The following NNMT variants were observed in gnomAD, a reference collection of about 807,000 sequenced individuals.
NNMT encodes nicotinamide N-methyltransferase.
In NNMT, 10 loss-of-function variants were observed where a neutral mutation model predicts 11.7. That is an observed-to-expected ratio of 0.85 (90% CI 0.53 to 1.45). The LOEUF (loss-of-function observed/expected upper bound fraction) is 1.45. Among genes scored for constraint, NNMT ranks in the 40% most tolerant of loss-of-function variants. The probability of loss-of-function intolerance (pLI) is 0.00; values close to 1 mark genes in which losing one functional copy is unlikely to be tolerated. For missense variants in NNMT, 381 were observed against 319.4 expected, an observed-to-expected ratio of 1.19 and a Z score of -1.47; for synonymous variants, 143 against 133.8, an observed-to-expected ratio of 1.07 and a Z score of -0.48.
Position 114,273,161 on chromosome 11 carries a change from G to A in NNMT, c.-130+10227G>A, listed in dbSNP as rs141361303. Among the ~76,000 whole-genome samples, 18 of 152,268 alleles carry A rather than the reference G, an allele frequency of 1.2e-4. No homozygotes were observed. The East Asian group carries it at 1.5e-3, about 13-fold the overall frequency. On this transcript the variant is annotated intron_variant, in intron 2 of 4. Transcript: ENST00000535401. ...ATTAAAGAGATGACTATTTCCTGTCGTTCTACAAAAAGGACCAAGATTTCC... is the reference window on the plus strand; with the variant it reads ...ATTAAAGAGATGACTATTTCCTGTCATTCTACAAAAAGGACCAAGATTTCC...
chr11:114,267,063 G>A (rs544573699), intron 2 of NNMT, among the ~76,000 whole-genome samples: 6 of 152,234 alleles, frequency 3.9e-5, no homozygotes, highest in South Asian at 2.1e-4. Context: ...TCAGGAGTTC[G>A]AGACCAGCCT....
intron 2 of NNMT, among the ~76,000 whole-genome samples, chr11:114,284,612 T>A (rs367904935): frequency 6.6e-6 from 1 of 151,690 alleles, no homozygotes; most frequent in African/African-American, 2.4e-5. Flanking sequence ...TACAGGCATG[T>A]GCCACCACAC....
Position 114,312,599 on chromosome 11 carries a change from G to GTCCC in NNMT, c.*122_*123insTCCC. The stretch of plus-strand genomic sequence containing the variant: ...TGGTTGGGGCCCAATGGTTCATCTA[G>GTCCC]GACGGGACTAGAGAGGTCAGTCTAC... On this transcript the variant is annotated 3_prime_UTR_variant, in exon 3 of 3. Coordinates refer to ENST00000299964, the MANE Select transcript of NNMT (RefSeq NM_006169.3). 1.1e-6 allele frequency: 1 copy of GTCCC among 923,538 alleles called. No individual in the cohort carries two copies. The highest frequency in any genetic ancestry group is 1.6e-6 in the Non-Finnish European group (1 of 606,780). 57.2% of individuals were successfully genotyped at this position (923,538 alleles called of 1,614,324 possible).
intron 2 of NNMT, among the ~76,000 whole-genome samples, chr11:114,280,855 G>T (rs7930056): frequency 0.041 from 6,210 of 152,176 alleles, 341 homozygotes; most frequent in African/African-American, 0.12. Flanking sequence ...TCCTTTGCTT[G>T]TCCCCGGCCT....
In NNMT at chr11:114,312,160, G is replaced by C. The variant is rs199618034; in HGVS notation, c.478G>C (p.Val160Leu). 2.4e-4 allele frequency: 381 copies of C among 1,614,190 alleles called. 1 individual carries two copies. Among genetic ancestry groups the C allele is most frequent in the Middle Eastern group, 4.9e-4 (3 of 6,062 alleles). ...CGTCCCCTTACCCCCGGCTGACTGCGTGCTCAGCACACTGTGTCTGGATGC... is the reference window on the plus strand; with the variant it reads ...CGTCCCCTTACCCCCGGCTGACTGCCTGCTCAGCACACTGTGTCTGGATGC... ...GAVPLPPADC[V>L]LSTLCLDAAC... The change falls in exon 3 of 3, where the codon GTG becomes CTG. Residue 160 changes from valine to leucine, a missense_variant. By Grantham distance (32) the Val-to-Leu change is conservative. Coordinates refer to ENST00000299964, the MANE Select transcript of NNMT (RefSeq NM_006169.3).
chr11:114,273,692 T>C (rs922151310), intron 2 of NNMT, among the ~76,000 whole-genome samples: 18 of 151,974 alleles, frequency 1.2e-4, no homozygotes, highest in African/African-American at 4.4e-4. Flanking sequence ...ATACTAAAAT[T>C]AGCCGGGTAT....
At chr11:114,307,367 A>T (rs952822836) in intron 2 of NNMT, among the ~76,000 whole-genome samples, 1 of 152,152 alleles carries the variant, frequency 6.6e-6, no homozygotes, top group East Asian at 1.9e-4. Context: ...CCTCTCTGTC[A>T]TGTTCCATAT....
At chr11:114,273,304 A>C (rs1399141957) in intron 2 of NNMT, among the ~76,000 whole-genome samples, 2 of 152,138 alleles carry the variant, frequency 1.3e-5, no homozygotes, top group Non-Finnish European at 2.9e-5. Flanking sequence ...GAGGTTGGAG[A>C]CTGGGCCAGA....
chr11:114,279,165 T>A (rs1490717718), intron 2 of NNMT, among the ~76,000 whole-genome samples: 3 of 152,184 alleles, frequency 2.0e-5, no homozygotes, highest in Non-Finnish European at 4.4e-5. Context: ...GTATTGCTAT[T>A]GGCCTCACGG....
rs73564902 is a variant in NNMT, at chr11:114,274,568, C to A, written c.-130+11634C>A. ...CGTGGCTCTCTGAACTAAGAATTTT[C>A]TGTGGGGCTCATGTAGAAATGGCAA... is the stretch of plus-strand genomic sequence containing the variant. On this transcript the variant is annotated intron_variant, in intron 2 of 4. Coordinates refer to the NNMT transcript ENST00000535401. 3.6e-3 allele frequency among the ~76,000 whole-genome samples: 542 copies of A among 152,294 alleles called. 4 individuals are homozygous for A. Among genetic ancestry groups the A allele is most frequent in the African/African-American group, 0.012 (513 of 41,562 alleles).
At chr11:114,299,141 G>T (rs1272865185) in intron 2 of NNMT, among the ~76,000 whole-genome samples, 2 of 151,984 alleles carry the variant, frequency 1.3e-5, no homozygotes, top group Admixed American at 1.3e-4. Context: ...TTATTATGTT[G>T]GCAAAAACTT....
At chr11:114,267,361 G>T (rs1292234200) in intron 2 of NNMT, among the ~76,000 whole-genome samples, 1 of 152,004 alleles carries the variant, frequency 6.6e-6, no homozygotes, top group Non-Finnish European at 1.5e-5. Context: ...ACTTGTCATG[G>T]TTCATGTCCT....
In NNMT at chr11:114,296,465, G is replaced by C; in HGVS notation, c.-92G>C. On this transcript the variant is annotated 5_prime_UTR_variant, in exon 1 of 3. Transcript: ENST00000299964. ...GATGGAAGGAATGCTGTTAGCCTGA[G>C]ACTCAGGAAGACAACTTCTGCAGGG... 1 of 1,372,450 alleles carries C rather than the reference G, an allele frequency of 7.3e-7. No individual in the cohort carries two copies. The highest frequency in any genetic ancestry group is 1.0e-6 in the Non-Finnish European group (1 of 997,400). 85.0% of individuals were successfully genotyped at this position (1,372,450 alleles called of 1,614,324 possible). A position where few individuals can be genotyped will look rare whatever the true frequency, so the allele number is the denominator to read the frequency against.
chr11:114,282,865 A>T (rs572906077), intron 2 of NNMT, among the ~76,000 whole-genome samples: 1 of 152,348 alleles, frequency 6.6e-6, no homozygotes, highest in South Asian at 2.1e-4. Flanking sequence ...TTGTTAAGCC[A>T]CTGAGGTTTG....
At chr11:114,280,860 C>T (rs771542638) in intron 2 of NNMT, among the ~76,000 whole-genome samples, 48 of 152,134 alleles carry the variant, frequency 3.2e-4, no homozygotes, top group Non-Finnish European at 6.5e-4. Context: ...TGCTTGTCCC[C>T]GGCCTGCTCA....
chr11:114,284,764 CTTTTTTTTT>C (rs11415162), intron 2 of NNMT, among the ~76,000 whole-genome samples: 1,968 of 90,408 alleles, frequency 0.022, 58 homozygotes, highest in African/African-American at 0.076. Context: ...ACCCGGCCAT[CTTTTTTTTT>C]TTTTTTTTTT....
chr11:114,284,203 G>C (rs1945280538), intron 2 of NNMT, among the ~76,000 whole-genome samples: 1 of 152,200 alleles, frequency 6.6e-6, no homozygotes, highest in African/African-American at 2.4e-5. Context: ...CAGCCTCTCT[G>C]TGCCAGGCAG....
chr11:114,297,996 C>T lies in NNMT; in HGVS notation c.200C>T (p.Thr67Ile), dbSNP rs374843533. The change falls in exon 2 of 3, where the codon ACT becomes ATT. Residue 67 changes from threonine (T) to isoleucine (I), a missense_variant. By Grantham distance (89) the Thr-to-Ile change is moderately conservative. Transcript: ENST00000299964. ...DLLIDIGSGPTIYQLLSACES... is the reference protein window; with the variant it reads ...DLLIDIGSGPIIYQLLSACES... Reference sequence around the variant, plus strand: ...CTGATTGACATCGGCTCTGGCCCCACTATCTATCAGCTCCTCTCTGCTTGT... The same window carrying T: ...CTGATTGACATCGGCTCTGGCCCCATTATCTATCAGCTCCTCTCTGCTTGT... 5.0e-6 allele frequency: 8 copies of T among 1,613,618 alleles called. No individual in the cohort carries two copies. In the African/African-American group the frequency reaches 9.3e-5, roughly 19 times the overall value.
chr11:114,284,404 C>T (rs1266045770), intron 2 of NNMT, among the ~76,000 whole-genome samples: 1 of 152,208 alleles, frequency 6.6e-6, no homozygotes, highest in Non-Finnish European at 1.5e-5. Flanking sequence ...AATTGCTTTC[C>T]TTTCCAAGTA....
Sources: allele counts gnomAD v4.1 joint callset (sites outside exome capture counted in the v4.1 genomes callset), GRCh38; gene constraint gnomAD v4.1.1; transcripts MANE v1.5; gene names NCBI Gene and HGNC (gene_info 2026-07-23, HGNC 2026-07-21).